ADH7: variants seen among roughly 807,000 people sequenced by gnomAD.
The protein encoded by ADH7 is all-trans-retinol dehydrogenase [NAD(+)] ADH7.
A neutral mutation model predicts 34.4 loss-of-function variants in ADH7; 41 were observed. That is an observed-to-expected ratio of 1.19 (90% CI 0.93 to 1.55). The LOEUF (loss-of-function observed/expected upper bound fraction) is 1.55, where lower values mean the gene tolerates loss of function less well. ADH7 is among the 40% of genes most tolerant of loss of function. The probability of loss-of-function intolerance (pLI) is 0.00; values close to 1 mark genes in which losing one functional copy is unlikely to be tolerated. For synonymous variants in ADH7, 180 were observed against 160.9 expected (o/e 1.12, Z -0.90); for missense variants, 540 against 461.2 (o/e 1.17, Z -1.56).
At chr4:99,428,012 G>A (rs375999028) in intron 4 of ADH7, 23 bp from the exon 5 acceptor site, 88 of 1,612,420 alleles carry the variant, frequency 5.5e-5, no homozygotes, top group Middle Eastern at 3.3e-4. Flanking sequence ...TCAAATACAC[G>A]TATTAATTAA....
rs139138877 is a variant in ADH7 at position 99,435,228 on chromosome 4, G to A, written c.6C>T (p.Gly2=). 2.5e-6 allele frequency: 4 copies of A among 1,613,256 alleles called. No individual in the cohort carries two copies. The African/African-American group carries it at 4.0e-5, about 16-fold the overall frequency. ...ATGTTCCACTTACTTTTCCAGCAGT[G>A]CCCATCCTGTCTTTGTCTTGGATCT... The part of the protein sequence containing the change: M[G]TAGKVIKCKA... Residue 2 remains glycine, a synonymous_variant, in exon 1 of 9, where the codon GGC becomes GGT. Transcript: ENST00000437033.
intron 5 of ADH7, among the ~76,000 whole-genome samples, chr4:99,425,572 G>T (rs903589228): frequency 1.3e-5 from 2 of 152,020 alleles, no homozygotes; most frequent in Non-Finnish European, 2.9e-5. Context: ...AGCCCTGAGT[G>T]ACCTACAAAG....
At chr4:99,428,278 A>C (rs1721860361) in intron 3 of ADH7, 104 bp from the exon 4 acceptor site, 1 of 1,305,130 alleles carries the variant, frequency 7.7e-7, no homozygotes, top group Admixed American at 1.9e-5. Flanking sequence ...TTTTAAAAAT[A>C]TATTCTAAGG....
intron 7 of ADH7, among the ~76,000 whole-genome samples, chr4:99,417,745 C>G (rs1721553789): frequency 6.6e-6 from 1 of 152,152 alleles, no homozygotes; most frequent in Non-Finnish European, 1.5e-5. Flanking sequence ...TCAGTATACA[C>G]TCAACAAATA....
chr4:99,423,526 C>T (rs1298401436), intron 5 of ADH7, among the ~76,000 whole-genome samples: 1 of 151,544 alleles, frequency 6.6e-6, no homozygotes, highest in Admixed American at 6.6e-5. Context: ...TCTCCACATC[C>T]TCTCCAGCAC....
intron 7 of ADH7, among the ~76,000 whole-genome samples, chr4:99,418,716 T>G (rs1721578069): frequency 6.6e-6 from 1 of 152,162 alleles, no homozygotes; most frequent in African/African-American, 2.4e-5. Flanking sequence ...ACATAATTCA[T>G]CCCTATAGAA....
intron 6 of ADH7, among the ~76,000 whole-genome samples, chr4:99,419,342 T>C (rs1226264109): frequency 6.6e-6 from 1 of 152,218 alleles, no homozygotes; most frequent in East Asian, 1.9e-4. Context: ...GGTCAGTGTT[T>C]GTGGCATTTT....
intron 5 of ADH7, 122 bp from the exon 6 acceptor site, chr4:99,420,915 A>C (rs1721643245): frequency 2.3e-6 from 2 of 873,068 alleles, no homozygotes; most frequent in Non-Finnish European, 3.5e-6. Flanking sequence ...CTACAAAGAG[A>C]ATAAAATATC....
At chr4:99,423,741 T>C (rs1223071548) in intron 5 of ADH7, among the ~76,000 whole-genome samples, 5 of 152,178 alleles carry the variant, frequency 3.3e-5, no homozygotes, top group Admixed American at 2.6e-4. Context: ...TTTTTTCTTG[T>C]AAATTTGTTT....
Position 99,428,475 on chromosome 4 carries a change from T to G in ADH7, c.259+17A>C. On this transcript the variant is annotated intron_variant, in intron 3 of 8. Transcript: ENST00000437033. ...AGCCTAATTATTTCAAACTTGTGGT[T>G]TGACACCTGCATATACCTGGTTTCA... 1 of 1,604,414 alleles carries G rather than the reference T, an allele frequency of 6.2e-7. No individual in the cohort carries two copies. The highest frequency in any genetic ancestry group is 8.5e-7 in the Non-Finnish European group (1 of 1,177,182).
chr4:99,428,575 ACC>A lies in ADH7; in HGVS notation c.174_175del (p.Met58IlefsTer11). The A allele has an allele frequency of 6.2e-7, 1 of 1,613,958 alleles. No homozygotes were observed. Among genetic ancestry groups the A allele is most frequent in the South Asian group, 1.1e-5 (1 of 91,072 alleles). The stretch of plus-strand genomic sequence containing the variant: ...TCCCACAATCACTGGAAACTTGGAC[ACC>A]ATTGTTCCTTTTATCACATGGTCAT... On this transcript the variant is annotated frameshift_variant, in exon 3 of 9. Coordinates refer to ENST00000437033, the MANE Select transcript of ADH7 (RefSeq NM_000673.7). LOFTEE classifies it high-confidence loss of function.
At chr4:99,426,851 G>T (rs1014731835) in intron 5 of ADH7, among the ~76,000 whole-genome samples, 1 of 152,120 alleles carries the variant, frequency 6.6e-6, no homozygotes, top group Admixed American at 6.6e-5. Context: ...ACATCAAAAA[G>T]CTTATCCACC....
In ADH7 at chr4:99,420,716, A is replaced by G; in HGVS notation, c.642T>C (p.Ala214=). 6.2e-7 allele frequency: 1 copy of G among 1,614,010 alleles called. No individual in the cohort carries two copies. The highest frequency in any genetic ancestry group is 8.5e-7 in the Non-Finnish European group (1 of 1,179,932). ...CAATCCCAATGATCCTAGATGCACCAGCTGACTTACAGCCCATGATGACTG... is the reference window on the plus strand; with the variant it reads ...CAATCCCAATGATCCTAGATGCACCGGCTGACTTACAGCCCATGATGACTG... ...GLSVIMGCKS[A]GASRIIGIDL... Residue 214 remains alanine (A), a synonymous_variant, in exon 6 of 9, where the codon GCT becomes GCC. Transcript: ENST00000437033.
chr4:99,415,647 C>T, intron 7 of ADH7, 31 bp from the exon 8 acceptor site: 2 of 1,601,382 alleles, frequency 1.2e-6, no homozygotes, highest in Non-Finnish European at 1.7e-6. Flanking sequence ...TCTCTTTAGA[C>T]ATTACTAAAT....
intron 5 of ADH7, among the ~76,000 whole-genome samples, chr4:99,422,113 G>T (rs1224058239): frequency 2.6e-5 from 4 of 152,162 alleles, no homozygotes; most frequent in African/African-American, 7.2e-5. Flanking sequence ...CAAGGATCTA[G>T]AACCAGAAAT....
At chr4:99,432,634 A>C (rs1261196927) in intron 1 of ADH7, 1 of 152,130 alleles carries the variant, frequency 6.6e-6, no homozygotes, top group Non-Finnish European at 1.5e-5. Context: ...TTTACAGAGG[A>C]AGTGTTAACA....
At chr4:99,416,514 C>T (rs562563140) in intron 7 of ADH7, among the ~76,000 whole-genome samples, 2 of 152,152 alleles carry the variant, frequency 1.3e-5, no homozygotes, top group African/African-American at 4.8e-5. Flanking sequence ...GATACTACAT[C>T]GTCATCATCA....
chr4:99,426,937 TA>T (rs1343321939), intron 5 of ADH7, among the ~76,000 whole-genome samples: 5 of 152,104 alleles, frequency 3.3e-5, no homozygotes, highest in Non-Finnish European at 7.4e-5. Flanking sequence ...AATCTGCATA[TA>T]AACAGAACCA....
chr4:99,427,461 C>T (rs1278054673), intron 5 of ADH7, among the ~76,000 whole-genome samples: 1 of 152,054 alleles, frequency 6.6e-6, no homozygotes, highest in Non-Finnish European at 1.5e-5. Flanking sequence ...TCTGCTGTAA[C>T]TAAAATACTG....
Sources: gnomAD v4.1 joint callset for allele counts (sites outside exome capture counted in the v4.1 genomes callset) on GRCh38, gnomAD v4.1.1 for gene constraint, MANE v1.5 for transcripts, NCBI Gene and HGNC (gene_info 2026-07-23, HGNC 2026-07-21) for gene names.